The following IL1RAPL1 variants were observed in gnomAD, a reference collection of about 807,000 sequenced individuals.
The protein encoded by IL1RAPL1 is interleukin-1 receptor accessory protein-like 1.
IL1RAPL1 carries 3 observed loss-of-function variants against 48.4 expected under a neutral mutation model. The observed-to-expected ratio is 0.06, with a 90% CI of 0.03 to 0.16. The LOEUF is 0.16. Among genes scored for constraint, IL1RAPL1 ranks in the 10% least tolerant of loss-of-function variants. The pLI is 1.00. For missense variants in IL1RAPL1, 349 were observed against 530.6 expected (o/e 0.66, Z 3.36); for synonymous variants, 185 against 187.7 (o/e 0.99, Z 0.12).
intron 2 of IL1RAPL1, among the ~76,000 whole-genome samples, chrX:29,088,155 A>G (rs1381897629): frequency 8.9e-6 from 1 of 112,356 alleles, no homozygotes; most frequent in African/African-American, 3.2e-5. Flanking sequence ...TTTGTCAAAT[A>G]CGTGCTGGAC....
chrX:29,338,683 G>A (rs759536520), intron 3 of IL1RAPL1, among the ~76,000 whole-genome samples: 2 of 110,930 alleles, frequency 1.8e-5, no homozygotes, highest in Admixed American at 9.6e-5. Context: ...CTCTCTCTCT[G>A]TGTCACTCTC....
At chrX:28,879,173 T>C (rs916601263) in intron 2 of IL1RAPL1, among the ~76,000 whole-genome samples, 2 of 111,845 alleles carry the variant, frequency 1.8e-5, no homozygotes, top group African/African-American at 6.5e-5. Context: ...ATTCAGACAG[T>C]TTGACAATTA....
chrX:29,632,527 A>C (rs1262723557), intron 5 of IL1RAPL1, among the ~76,000 whole-genome samples: 1 of 111,807 alleles, frequency 8.9e-6, no homozygotes, highest in Non-Finnish European at 1.9e-5. Context: ...CAGTGGAAAA[A>C]TACATATAAA....
At chrX:28,637,526 G>C (rs1358091167) in intron 1 of IL1RAPL1, among the ~76,000 whole-genome samples, 1 of 111,802 alleles carries the variant, frequency 8.9e-6, no homozygotes, top group Non-Finnish European at 1.9e-5. Flanking sequence ...TAGGCTCTCA[G>C]TATGAAGCAG....
At chrX:29,875,314 G>A (rs1931880165) in intron 6 of IL1RAPL1, among the ~76,000 whole-genome samples, 1 of 111,628 alleles carries the variant, frequency 9.0e-6, no homozygotes, top group Non-Finnish European at 1.9e-5. Flanking sequence ...CATTGAGGGA[G>A]TTGTGCAGAC....
intron 2 of IL1RAPL1, among the ~76,000 whole-genome samples, chrX:29,143,059 A>G (rs1183009134): frequency 9.0e-6 from 1 of 111,395 alleles, no homozygotes; most frequent in Non-Finnish European, 1.9e-5. Flanking sequence ...AATCAGAAAA[A>G]ATAAAATATT....
At chrX:29,889,291 A>G (rs780522561) in intron 6 of IL1RAPL1, among the ~76,000 whole-genome samples, 1 of 111,895 alleles carries the variant, frequency 8.9e-6, no homozygotes, top group Non-Finnish European at 1.9e-5. Flanking sequence ...CGAGTTTAAT[A>G]TCTGACACAA....
intron 2 of IL1RAPL1, among the ~76,000 whole-genome samples, chrX:28,862,831 C>G (rs1416612669): frequency 9.0e-6 from 1 of 111,493 alleles, no homozygotes; most frequent in Non-Finnish European, 1.9e-5. Flanking sequence ...TCTGATACTA[C>G]TAAAAGCAAT....
intron 1 of IL1RAPL1, among the ~76,000 whole-genome samples, chrX:28,730,690 A>G (rs962619286): frequency 4.5e-5 from 5 of 111,987 alleles, no homozygotes; most frequent in Admixed American, 3.8e-4. Context: ...TAACTTGAGC[A>G]AGACCCTAAG....
chrX:29,165,501 G>T (rs1929770621), intron 2 of IL1RAPL1, among the ~76,000 whole-genome samples: 1 of 111,365 alleles, frequency 9.0e-6, no homozygotes, highest in Non-Finnish European at 1.9e-5. Context: ...AATTTTCACT[G>T]TTCCTTTAAA....
At chrX:29,731,181 G>T (rs752691990) in intron 6 of IL1RAPL1, among the ~76,000 whole-genome samples, 5 of 111,744 alleles carry the variant, frequency 4.5e-5, no homozygotes, top group Non-Finnish European at 9.4e-5. Flanking sequence ...TTTGGCCAAC[G>T]AATTAAAGGC....
chrX:29,613,081 G>A (rs1041497266), intron 5 of IL1RAPL1, among the ~76,000 whole-genome samples: 7 of 112,017 alleles, frequency 6.2e-5, no homozygotes, highest in Admixed American at 1.9e-4. Flanking sequence ...TCTTTCTGAA[G>A]TGGCTCTTCT....
At chrX:29,700,648 G>A (rs765198033) in intron 6 of IL1RAPL1, among the ~76,000 whole-genome samples, 9 of 111,036 alleles carry the variant, frequency 8.1e-5, no homozygotes, top group East Asian at 2.8e-4. Flanking sequence ...CAGCTCTGCC[G>A]GAAGCTTATA....
chrX:29,087,459 A>G (rs1927979594), intron 2 of IL1RAPL1, among the ~76,000 whole-genome samples: 1 of 111,028 alleles, frequency 9.0e-6, no homozygotes, highest in African/African-American at 3.3e-5. Flanking sequence ...TATTTTATCG[A>G]CAGCAACTAC....
chrX:29,371,238 T>C (rs903859674), intron 3 of IL1RAPL1, among the ~76,000 whole-genome samples: 5 of 106,369 alleles, frequency 4.7e-5, no homozygotes, highest in Non-Finnish European at 9.7e-5. Context: ...TTCAAGCGAT[T>C]CTCCTGTCTC....
Position 29,497,916 on chromosome X carries a change from A to G in IL1RAPL1, c.703+98608A>G, listed in dbSNP as rs772992757. ...AGAGCTAACACCAATCCATTAGTTT[A>G]TATGGTTTGTACTGATTAACATCAT... On this transcript the variant is annotated intron_variant, in intron 5 of 10. Coordinates refer to ENST00000378993, the MANE Select transcript of IL1RAPL1 (RefSeq NM_014271.4). Among the ~76,000 whole-genome samples, 11 of 111,855 alleles carry G rather than the reference A, an allele frequency of 9.8e-5. No individual in the cohort carries two copies. The East Asian group carries it at 2.0e-3, about 20-fold the overall frequency.
intron 4 of IL1RAPL1, among the ~76,000 whole-genome samples, chrX:29,398,019 A>G (rs535842799): frequency 1.8e-5 from 2 of 111,832 alleles, no homozygotes; most frequent in South Asian, 7.5e-4. Context: ...GATGCAGTAT[A>G]TGTGGTATTT....
chrX:29,474,693 C>T (rs748975304), intron 5 of IL1RAPL1, among the ~76,000 whole-genome samples: 5 of 111,700 alleles, frequency 4.5e-5, no homozygotes, highest in Non-Finnish European at 7.5e-5. Context: ...ACAACCAGAT[C>T]TCATGTGAAA....
intron 3 of IL1RAPL1, among the ~76,000 whole-genome samples, chrX:29,316,930 G>A (rs1932772537): frequency 9.0e-6 from 1 of 110,792 alleles, no homozygotes; most frequent in Admixed American, 9.6e-5. Flanking sequence ...CTAGTCAGTT[G>A]TGCCTAAACT....
Sources: gnomAD v4.1 joint callset for allele counts (sites outside exome capture counted in the v4.1 genomes callset) on GRCh38, gnomAD v4.1.1 for gene constraint, MANE v1.5 for transcripts, NCBI Gene and HGNC (gene_info 2026-07-23, HGNC 2026-07-21) for gene names.